The following LRRC3B variants were observed in gnomAD, a reference collection of about 807,000 sequenced individuals.
The protein encoded by LRRC3B is leucine rich repeat containing 3B.
In LRRC3B, 2 loss-of-function variants were observed where a neutral mutation model predicts 12.8. The observed-to-expected ratio is 0.16, with a 90% CI of 0.06 to 0.49. The LOEUF (loss-of-function observed/expected upper bound fraction) is 0.49, where lower values mean the gene tolerates loss of function less well. Among genes scored for constraint, LRRC3B ranks in the 20% least tolerant of loss-of-function variants. The pLI, the probability that LRRC3B is intolerant of heterozygous loss-of-function variation, is 0.96. For missense variants in LRRC3B, 189 were observed against 319.4 expected (o/e 0.59, Z 3.11); for synonymous variants, 132 against 122.0 (o/e 1.08, Z -0.54).
intron 1 of LRRC3B, among the ~76,000 whole-genome samples, chr3:26,671,369 TATATAGAGAGAG>T (rs1178770768): frequency 5.2e-5 from 2 of 38,200 alleles, no homozygotes; most frequent in South Asian, 1.1e-3. Context: ...TATATATATA[TATATAGAGAGAG>T]AGAGAGAGAG....
At chr3:26,666,433 C>A (rs1405133045) in intron 1 of LRRC3B, among the ~76,000 whole-genome samples, 1 of 151,936 alleles carries the variant, frequency 6.6e-6, no homozygotes, top group Non-Finnish European at 1.5e-5. Flanking sequence ...TTTTAAGGGT[C>A]TTCATGGAAG....
At chr3:26,665,103 A>G (rs984501023) in intron 1 of LRRC3B, among the ~76,000 whole-genome samples, 1 of 151,974 alleles carries the variant, frequency 6.6e-6, no homozygotes, top group African/African-American at 2.4e-5. Flanking sequence ...AAGCAGCACT[A>G]CAGAATCTGC....
chr3:26,679,029 T>G (rs1462739979), intron 1 of LRRC3B, among the ~76,000 whole-genome samples: 1 of 152,196 alleles, frequency 6.6e-6, no homozygotes, highest in Non-Finnish European at 1.5e-5. Flanking sequence ...TCAAATCCTA[T>G]GCTCATGAAT....
chr3:26,709,216 G>A (rs1262375869), intron 1 of LRRC3B, among the ~76,000 whole-genome samples: 1 of 152,258 alleles, frequency 6.6e-6, no homozygotes, highest in East Asian at 1.9e-4. Context: ...ATTCGAAGGG[G>A]TCCAGGATGT....
At chr3:26,638,411 G>GA (rs370802105) in intron 1 of LRRC3B, among the ~76,000 whole-genome samples, 121 of 151,146 alleles carry the variant, frequency 8.0e-4, no homozygotes, top group African/African-American at 2.6e-3. Flanking sequence ...AGGGTCAACG[G>GA]AAAAAAAAAT....
At chr3:26,648,481 A>C (rs1575125439) in intron 1 of LRRC3B, among the ~76,000 whole-genome samples, 3 of 152,280 alleles carry the variant, frequency 2.0e-5, no homozygotes, top group Middle Eastern at 6.8e-3. Flanking sequence ...GTTTTCAAGA[A>C]AATGAAACAA....
At chr3:26,655,301 C>G (rs924151853) in intron 1 of LRRC3B, among the ~76,000 whole-genome samples, 1 of 152,270 alleles carries the variant, frequency 6.6e-6, no homozygotes, top group Non-Finnish European at 1.5e-5. Flanking sequence ...CATTATGACC[C>G]TATCATTAAA....
rs79225384 is a variant in LRRC3B at position 26,674,577 on chromosome 3, A to G, written c.-160-34936A>G. Among the ~76,000 whole-genome samples the G allele has an allele frequency of 5.5e-3, 833 of 152,310 alleles. 7 individuals carry two copies. The highest frequency in any genetic ancestry group is 0.019 in the African/African-American group (793 of 41,574). ...TATCTATTCAATTCCTGATGTTAAA[A>G]TCTAGGTTATTCATGGAAGCAGGGC... On this transcript the variant is annotated intron_variant, in intron 1 of 1. Transcript: ENST00000396641.
chr3:26,699,514 T>G (rs1700401201), intron 1 of LRRC3B, among the ~76,000 whole-genome samples: 1 of 152,162 alleles, frequency 6.6e-6, no homozygotes, highest in African/African-American at 2.4e-5. Context: ...ATCCTGTGTT[T>G]TTCCCACCAA....
intron 1 of LRRC3B, among the ~76,000 whole-genome samples, chr3:26,640,749 G>C (rs1046315231): frequency 1.3e-5 from 2 of 152,168 alleles, no homozygotes; most frequent in Non-Finnish European, 2.9e-5. Context: ...GTTCTGCATG[G>C]CATGCTGGGT....
chr3:26,664,100 C>T (rs779583202), intron 1 of LRRC3B, among the ~76,000 whole-genome samples: 1 of 152,088 alleles, frequency 6.6e-6, no homozygotes, highest in Non-Finnish European at 1.5e-5. Context: ...TTCACTTTAT[C>T]ATCTGCCCCT....
intron 1 of LRRC3B, among the ~76,000 whole-genome samples, chr3:26,650,384 G>A (rs981811179): frequency 6.6e-6 from 1 of 152,100 alleles, no homozygotes; most frequent in Non-Finnish European, 1.5e-5. Context: ...GAGTTTAAAA[G>A]GTCCAAGAGG....
chr3:26,705,185 T>C (rs904820497), intron 1 of LRRC3B, among the ~76,000 whole-genome samples: 3 of 150,324 alleles, frequency 2.0e-5, no homozygotes, highest in Admixed American at 2.0e-4. Context: ...ATGCACTGGT[T>C]TTTTTCTTCT....
intron 1 of LRRC3B, among the ~76,000 whole-genome samples, chr3:26,643,279 TAC>T: frequency 8.9e-6 from 1 of 112,394 alleles, no homozygotes; most frequent in East Asian, 2.5e-4. Flanking sequence ...TGTGTGTGTA[TAC>T]ATGTATATGT....
At chr3:26,661,139 C>T (rs1699483414) in intron 1 of LRRC3B, among the ~76,000 whole-genome samples, 1 of 152,176 alleles carries the variant, frequency 6.6e-6, no homozygotes, top group South Asian at 2.1e-4. Context: ...GAAATCTCCC[C>T]TAACACTTGC....
intron 1 of LRRC3B, among the ~76,000 whole-genome samples, chr3:26,631,186 C>T (rs1350686993): frequency 1.3e-5 from 2 of 152,180 alleles, no homozygotes; most frequent in African/African-American, 4.8e-5. Flanking sequence ...AAGCAATAGC[C>T]TCCTGGATCC....
chr3:26,633,342 G>A (rs1161153459), intron 1 of LRRC3B, among the ~76,000 whole-genome samples: 1 of 152,082 alleles, frequency 6.6e-6, no homozygotes, highest in African/African-American at 2.4e-5. Flanking sequence ...ATGTGAAATG[G>A]GTATAATAAT....
chr3:26,677,049 A>G (rs1296747003), intron 1 of LRRC3B, among the ~76,000 whole-genome samples: 1 of 152,160 alleles, frequency 6.6e-6, no homozygotes, highest in African/African-American at 2.4e-5. Context: ...TCAAGAGCAC[A>G]CATTCTTATT....
intron 1 of LRRC3B, among the ~76,000 whole-genome samples, chr3:26,659,068 A>C (rs1440694477): frequency 6.6e-6 from 1 of 152,222 alleles, no homozygotes; most frequent in Non-Finnish European, 1.5e-5. Context: ...TCTTATGTTA[A>C]AAATGGGAGG....
Sources: allele counts gnomAD v4.1 joint callset (sites outside exome capture counted in the v4.1 genomes callset), GRCh38; gene constraint gnomAD v4.1.1; transcripts MANE v1.5; gene names NCBI Gene and HGNC (gene_info 2026-07-23, HGNC 2026-07-21).